The following FOXK2 variants were observed in gnomAD, a reference collection of about 807,000 sequenced individuals.
FOXK2 encodes the protein forkhead box protein K2.
FOXK2 carries 24 observed loss-of-function variants against 53.3 expected under a neutral mutation model. That is an observed-to-expected ratio of 0.45 (90% confidence interval 0.33 to 0.63). The LOEUF is 0.63. Among genes scored for constraint, FOXK2 ranks in the 30% least tolerant of loss-of-function variants. FOXK2 has a pLI of 0.03. For missense variants in FOXK2, 952 were observed against 910.5 expected (o/e 1.05, Z -0.59); for synonymous variants, 505 against 407.1 (o/e 1.24, Z -2.89).
At position 82,598,494 on chromosome 17, in the gene FOXK2, C is replaced by T. The variant is rs139650359; in HGVS notation, c.1787-2809C>T. Among the ~76,000 whole-genome samples the T allele has an allele frequency of 1.4e-4, 21 of 152,248 alleles. No homozygotes were observed. The East Asian group carries it at 3.9e-3, about 28-fold the overall frequency. ...GTGTTGTGCTGCCGTAACAGAACACCCAAGATGGAAGACTTTAGCATGAAC... is the reference window on the plus strand; with the variant it reads ...GTGTTGTGCTGCCGTAACAGAACACTCAAGATGGAAGACTTTAGCATGAAC... On this transcript the variant is annotated intron_variant, in intron 8 of 8. Coordinates refer to ENST00000335255, the MANE Select transcript of FOXK2 (RefSeq NM_004514.4).
intron 8 of FOXK2, 52 bp from the exon 9 acceptor site, chr17:82,601,251 C>A: frequency 6.4e-7 from 1 of 1,562,780 alleles, no homozygotes; most frequent in South Asian, 1.2e-5. Flanking sequence ...GGTTCTGAGT[C>A]GCGAGGGTTC....
At chr17:82,581,354 C>T (rs1018566650) in intron 4 of FOXK2, among the ~76,000 whole-genome samples, 1 of 152,134 alleles carries the variant, frequency 6.6e-6, no homozygotes, top group African/African-American at 2.4e-5. Flanking sequence ...GGCTGGAGTG[C>T]AGTGGTGCGA....
In FOXK2 at chr17:82,587,081, C is replaced by T. The variant is rs767688418; in HGVS notation, c.1595C>T (p.Pro532Leu). Residue 532 changes from proline (P) to leucine (L), a missense_variant, in exon 8 of 9, where the codon CCC (proline) becomes CTC (leucine). Pro to Leu is a moderately conservative substitution (Grantham distance 98, BLOSUM62 -3). Coordinates refer to ENST00000335255, the MANE Select transcript of FOXK2 (RefSeq NM_004514.4). ...ATTTCAGTGAAAGTAGAGCCTATTC[C>T]CGCCATTGGCCACGCCACGCTCGGC... ...REVKVKVEPI[P>L]AIGHATLGTA... The T allele has an allele frequency of 6.2e-6, 10 of 1,612,620 alleles. No individual in the cohort carries two copies. Among genetic ancestry groups the T allele is most frequent in the African/African-American group, 1.3e-5 (1 of 74,912 alleles).
chr17:82,592,211 G>T (rs944052588), intron 8 of FOXK2, among the ~76,000 whole-genome samples: 1 of 152,208 alleles, frequency 6.6e-6, no homozygotes, highest in Admixed American at 6.5e-5. Context: ...AGCCAGTGTT[G>T]TCGTTTTGAT....
rs2044922042 is a variant in FOXK2, at chr17:82,571,865, T to C, written c.904T>C (p.Trp302Arg). Residue 302 changes from tryptophan (W) to arginine (R), a missense_variant, in exon 4 of 9, where the codon TGG (tryptophan) becomes CGG (arginine). Coordinates refer to ENST00000335255, the MANE Select transcript of FOXK2 (RefSeq NM_004514.4). ...CTACTACAGGACTGCGGACAAGGGC[T>C]GGCAGGTAAATGCCTTCAGTTTGTT... ...YPYYRTADKG[W>R]QNSIRHNLSL... The C allele has an allele frequency of 6.4e-7, 1 of 1,559,136 alleles. No homozygotes were observed. The highest frequency in any genetic ancestry group is 1.4e-5 in the African/African-American group (1 of 71,320).
At chr17:82,543,080 T>C (rs2044589404) in intron 1 of FOXK2, among the ~76,000 whole-genome samples, 1 of 152,236 alleles carries the variant, frequency 6.6e-6, no homozygotes, top group Non-Finnish European at 1.5e-5. Context: ...TCTTCAGTGC[T>C]GTTGCCAGAG....
At chr17:82,594,353 C>T (rs1477733478) in intron 8 of FOXK2, among the ~76,000 whole-genome samples, 5 of 152,180 alleles carry the variant, frequency 3.3e-5, no homozygotes, top group Non-Finnish European at 7.3e-5. Context: ...AAAAAATTAG[C>T]TGGACATGGT....
At chr17:82,529,143 A>AT (rs554700198) in intron 1 of FOXK2, among the ~76,000 whole-genome samples, 4 of 150,542 alleles carry the variant, frequency 2.7e-5, no homozygotes, top group African/African-American at 7.3e-5. Flanking sequence ...AGTTTTAATA[A>AT]TTTTTTTTAC....
At chr17:82,547,507 A>G (rs1037797749) in intron 1 of FOXK2, among the ~76,000 whole-genome samples, 1 of 152,000 alleles carries the variant, frequency 6.6e-6, no homozygotes, top group Non-Finnish European at 1.5e-5. Flanking sequence ...GAAAAATAAT[A>G]CTTCTGGTTA....
In FOXK2 at chr17:82,603,740, C is replaced by T. The variant is rs3794713; in HGVS notation, c.*2241C>T. ...GGGTGTTTTTTTTTTTTTTTTTTGC[C>T]GTAGGCACCATTCTGCATCTTGAAC... On this transcript the variant is annotated 3_prime_UTR_variant, in exon 9 of 9. Coordinates refer to ENST00000335255, the MANE Select transcript of FOXK2 (RefSeq NM_004514.4). 116,515 of 147,842 alleles carry T rather than the reference C, an allele frequency of 0.79. 46,299 individuals are homozygous for T. The highest frequency in any genetic ancestry group is 0.9 in the Middle Eastern group (261 of 290). The allele number at this position is 147,842 out of a possible 1,614,324, so 9.2% of individuals were successfully genotyped here. A position where few individuals can be genotyped will look rare whatever the true frequency, so the allele number is the denominator to read the frequency against.
intron 4 of FOXK2, chr17:82,577,373 T>C (rs1181464957): frequency 5.1e-6 from 3 of 591,352 alleles, no homozygotes; most frequent in Non-Finnish European, 9.2e-6. Flanking sequence ...CACAAAGCTC[T>C]CTTCTTCTAA....
chr17:82,581,042 C>T (rs1218309943), intron 4 of FOXK2, among the ~76,000 whole-genome samples: 1 of 152,232 alleles, frequency 6.6e-6, no homozygotes, highest in Admixed American at 6.5e-5. Context: ...TGTTGGATTT[C>T]TTAGTCACCT....
chr17:82,531,509 G>C (rs1238321869), intron 1 of FOXK2, among the ~76,000 whole-genome samples: 3 of 152,098 alleles, frequency 2.0e-5, no homozygotes, highest in African/African-American at 7.2e-5. Flanking sequence ...ACATCATAGA[G>C]CATACTTGTA....
chr17:82,523,573 A>G (rs2044388473), intron 1 of FOXK2, among the ~76,000 whole-genome samples: 1 of 151,536 alleles, frequency 6.6e-6, no homozygotes, highest in South Asian at 2.1e-4. Flanking sequence ...CCTGGGCTCA[A>G]GCGATTCTCC....
At chr17:82,574,595 C>T (rs550056591) in intron 4 of FOXK2, among the ~76,000 whole-genome samples, 11 of 151,956 alleles carry the variant, frequency 7.2e-5, no homozygotes, top group African/African-American at 2.4e-4. Context: ...GCTGGGATTA[C>T]AGGCGTGAGC....
At chr17:82,573,562 T>TCTCTCTCACACACA (rs1185597025) in intron 4 of FOXK2, among the ~76,000 whole-genome samples, 2 of 83,316 alleles carry the variant, frequency 2.4e-5, no homozygotes, top group African/African-American at 4.5e-5. Flanking sequence ...TCTCTCTCTC[T>TCTCTCTCACACACA]CACACACACA....
intron 1 of FOXK2, among the ~76,000 whole-genome samples, chr17:82,550,047 A>G (rs2044661336): frequency 6.6e-6 from 1 of 152,190 alleles, no homozygotes; most frequent in Admixed American, 6.5e-5. Flanking sequence ...CTACAAAAAC[A>G]AAACAGGCAG....
chr17:82,527,886 G>A (rs1382023865), intron 1 of FOXK2, among the ~76,000 whole-genome samples: 1 of 152,122 alleles, frequency 6.6e-6, no homozygotes, highest in Non-Finnish European at 1.5e-5. Flanking sequence ...CTGCAGCCTT[G>A]AACTCCTGGA....
At chr17:82,593,382 A>C (rs2045275726) in intron 8 of FOXK2, 1 of 152,522 alleles carries the variant, frequency 6.6e-6, no homozygotes, top group African/African-American at 2.4e-5. Context: ...GGAGGGAAAG[A>C]GGAAGGAAGG....
Sources: gnomAD v4.1 joint callset for allele counts (sites outside exome capture counted in the v4.1 genomes callset) on GRCh38, gnomAD v4.1.1 for gene constraint, MANE v1.5 for transcripts, NCBI Gene and HGNC (gene_info 2026-07-23, HGNC 2026-07-21) for gene names.